Variants in CNOT2 observed in about 807,000 individuals in gnomAD.
CNOT2 encodes CCR4-NOT transcription complex subunit 2, also known as CC chemokine receptor 4-negative regulator of transcription 2.
In CNOT2, 7 loss-of-function variants were observed where a neutral mutation model predicts 72.1. The ratio of observed to expected loss-of-function variants is 0.10; its 90% confidence interval spans 0.06 to 0.18. The LOEUF (loss-of-function observed/expected upper bound fraction) is 0.18. Ranked by LOEUF, CNOT2 falls within the 10% of genes least tolerant of loss-of-function variation. The pLI is 1.00. For synonymous variants in CNOT2, 196 were observed against 225.6 expected, an observed-to-expected ratio of 0.87 and a Z score of 1.17; for missense variants, 345 against 660.3, an observed-to-expected ratio of 0.52 and a Z score of 5.23.
At chr12:70,304,897 C>T in intron 2 of CNOT2, among the ~76,000 whole-genome samples, 1 of 152,232 alleles carries the variant, frequency 6.6e-6, no homozygotes, top group East Asian at 1.9e-4. Context: ...CCCAGCCTGG[C>T]TGCTGCCTTG....
intron 4 of CNOT2, chr12:70,324,349 G>C (rs951113854): frequency 2.6e-5 from 4 of 151,690 alleles, no homozygotes; most frequent in African/African-American, 9.7e-5. Flanking sequence ...TTTATGGAGA[G>C]AGAGAGAGAG....
chr12:70,330,665 C>T, intron 6 of CNOT2, 196 bp downstream of exon 6: 1 of 457,514 alleles, frequency 2.2e-6, no homozygotes, highest in Non-Finnish European at 3.9e-6. Context: ...TTGGAAAGCA[C>T]ATTAAAACAT....
chr12:70,275,651 T>C (rs944330862), intron 1 of CNOT2, among the ~76,000 whole-genome samples: 1 of 152,078 alleles, frequency 6.6e-6, no homozygotes, highest in Non-Finnish European at 1.5e-5. Context: ...GAAAATTTCA[T>C]TGTAGTTTTG....
intron 2 of CNOT2, among the ~76,000 whole-genome samples, chr12:70,309,154 C>A (rs956026877): frequency 1.3e-5 from 2 of 152,020 alleles, no homozygotes; most frequent in African/African-American, 2.4e-5. Flanking sequence ...GATAGGCATG[C>A]GGGATCCTGG....
chr12:70,285,199 ATTTTGT>A (rs998445938), intron 2 of CNOT2, among the ~76,000 whole-genome samples: 4 of 151,394 alleles, frequency 2.6e-5, no homozygotes, highest in East Asian at 1.9e-4. Context: ...TTATGTTTTG[ATTTTGT>A]TTTTGTTTTT....
intron 2 of CNOT2, among the ~76,000 whole-genome samples, chr12:70,287,613 C>A (rs1352214536): frequency 6.7e-6 from 1 of 149,862 alleles, no homozygotes; most frequent in Admixed American, 6.8e-5. Flanking sequence ...TCCATTAGAT[C>A]AAGTGTTAAT....
At chr12:70,282,118 A>C (rs1166193256) in intron 2 of CNOT2, among the ~76,000 whole-genome samples, 1 of 152,202 alleles carries the variant, frequency 6.6e-6, no homozygotes, top group African/African-American at 2.4e-5. Context: ...GTTCCAATAA[A>C]ATTAAATAAA....
At chr12:70,312,305 G>A (rs763303115) in intron 3 of CNOT2, among the ~76,000 whole-genome samples, 2 of 151,844 alleles carry the variant, frequency 1.3e-5, no homozygotes, top group African/African-American at 4.8e-5. Context: ...CCGCAGAAAC[G>A]AAAACCTACA....
intron 14 of CNOT2, chr12:70,344,909 T>A (rs913976574): frequency 6.6e-6 from 1 of 152,244 alleles, no homozygotes; most frequent in Admixed American, 6.5e-5. Flanking sequence ...TAAACATTAT[T>A]ACTTATAAGC....
rs1419754343 is a variant in CNOT2 at position 70,354,165 on chromosome 12, T to C, written c.*250T>C. The C allele has an allele frequency of 3.4e-6, 2 of 595,254 alleles. No homozygotes were observed. The highest frequency in any genetic ancestry group is 3.8e-5 in the African/African-American group (2 of 52,154). 36.9% of individuals were successfully genotyped at this position (595,254 alleles called of 1,614,324 possible). ...CAGGGTCTGAATTTTTTCATTTATT[T>C]CCTTTTTTGCCAGCAGACAGACTTG... On this transcript the variant is annotated 3_prime_UTR_variant, in exon 16 of 16. Coordinates refer to ENST00000229195, the MANE Select transcript of CNOT2 (RefSeq NM_014515.7).
At chr12:70,298,443 C>T (rs1286757856) in intron 2 of CNOT2, among the ~76,000 whole-genome samples, 1 of 152,192 alleles carries the variant, frequency 6.6e-6, no homozygotes, top group Non-Finnish European at 1.5e-5. Flanking sequence ...CCCATCTCCG[C>T]ATTTATCAGA....
intron 1 of CNOT2, among the ~76,000 whole-genome samples, chr12:70,267,669 G>A (rs773598742): frequency 2.6e-5 from 4 of 152,134 alleles, no homozygotes; most frequent in Non-Finnish European, 5.9e-5. Context: ...CTTTTATGTT[G>A]TAGTTTCATA....
intron 1 of CNOT2, among the ~76,000 whole-genome samples, chr12:70,265,615 C>A (rs1164882786): frequency 6.6e-6 from 1 of 151,522 alleles, no homozygotes; most frequent in Admixed American, 6.6e-5. Flanking sequence ...TTGTTTAATT[C>A]TTTTTTTCAA....
chr12:70,302,788 G>A (rs1322306782), intron 2 of CNOT2, among the ~76,000 whole-genome samples: 114 of 152,096 alleles, frequency 7.5e-4, no homozygotes, highest in African/African-American at 2.2e-3. Flanking sequence ...TTTCTGTCTC[G>A]TTGATCTGTC....
At chr12:70,267,334 G>C (rs1402086153) in intron 1 of CNOT2, among the ~76,000 whole-genome samples, 1 of 152,052 alleles carries the variant, frequency 6.6e-6, no homozygotes, top group Non-Finnish European at 1.5e-5. Flanking sequence ...CGTGTTCCTT[G>C]GCTTATCCCT....
chr12:70,309,717 T>G (rs1876120049), intron 2 of CNOT2, among the ~76,000 whole-genome samples: 1 of 152,262 alleles, frequency 6.6e-6, no homozygotes, highest in Non-Finnish European at 1.5e-5. Context: ...TTCAAGTCTT[T>G]AAAATCTCTT....
chr12:70,274,157 T>A (rs983067091), intron 1 of CNOT2, among the ~76,000 whole-genome samples: 1 of 152,096 alleles, frequency 6.6e-6, no homozygotes, highest in African/African-American at 2.4e-5. Context: ...GTTTTATTTA[T>A]ATTTATTTCA....
chr12:70,354,177 A>G lies in CNOT2; in HGVS notation c.*262A>G. On this transcript the variant is annotated 3_prime_UTR_variant, in exon 16 of 16. Transcript: ENST00000229195. ...TTTTTCATTTATTTCCTTTTTTGCC[A>G]GCAGACAGACTTGAGTCTGTAAAGA... 2.0e-6 allele frequency: 1 copy of G among 508,470 alleles called. No individual in the cohort carries two copies. Among genetic ancestry groups the G allele is most frequent in the Non-Finnish European group, 3.1e-6 (1 of 325,412 alleles). 31.5% of individuals were successfully genotyped at this position (508,470 alleles called of 1,614,324 possible).
At chr12:70,299,170 C>T (rs1873370628) in intron 2 of CNOT2, among the ~76,000 whole-genome samples, 1 of 151,954 alleles carries the variant, frequency 6.6e-6, no homozygotes, top group East Asian at 1.9e-4. Flanking sequence ...TGAATGTGTG[C>T]AGGGGAACCC....
Sources: allele counts gnomAD v4.1 joint callset (sites outside exome capture counted in the v4.1 genomes callset), GRCh38; gene constraint gnomAD v4.1.1; transcripts MANE v1.5; gene names NCBI Gene and HGNC (gene_info 2026-07-23, HGNC 2026-07-21).